CYP2C18: variants seen among roughly 807,000 people sequenced by gnomAD.
The protein encoded by CYP2C18 is cytochrome P450 2C18.
Under a neutral mutation model 41.3 loss-of-function variants are expected in CYP2C18, and 38 were observed. The ratio of observed to expected loss-of-function variants is 0.92; its 90% CI spans 0.71 to 1.21. CYP2C18 has a LOEUF of 1.21. Among genes scored for constraint, CYP2C18 ranks in the 50% most tolerant of loss-of-function variants. CYP2C18 has a pLI of 0.00. For missense variants in CYP2C18, 635 were observed against 591.4 expected, an observed-to-expected ratio of 1.07 and a Z score of -0.77; for synonymous variants, 236 against 210.0, an observed-to-expected ratio of 1.12 and a Z score of -1.07.
chr10:94,717,528 G>T (rs1442886290), intron 5 of CYP2C18, among the ~76,000 whole-genome samples: 2 of 152,098 alleles, frequency 1.3e-5, no homozygotes, highest in African/African-American at 2.4e-5. Context: ...CTTCTGGCTT[G>T]TATTGCCCAG....
At chr10:94,697,860 A>T (rs2134183115) in intron 4 of CYP2C18, among the ~76,000 whole-genome samples, 1 of 152,324 alleles carries the variant, frequency 6.6e-6, no homozygotes, top group Non-Finnish European at 1.5e-5. Flanking sequence ...ACTTTAAACC[A>T]ACAAAGATCA....
intron 3 of CYP2C18, among the ~76,000 whole-genome samples, chr10:94,690,280 G>C (rs1055051215): frequency 2.0e-5 from 3 of 152,080 alleles, no homozygotes; most frequent in Admixed American, 6.6e-5. Flanking sequence ...TAATGAGTCT[G>C]GTTTTCAGCT....
intron 1 of CYP2C18, among the ~76,000 whole-genome samples, chr10:94,684,777 T>A (rs1458923547): frequency 6.6e-6 from 1 of 152,116 alleles, no homozygotes; most frequent in East Asian, 1.9e-4. Context: ...ACATCCATAC[T>A]GTTTTCTCAA....
At chr10:94,723,964 A>C (rs1245765632) in intron 6 of CYP2C18, among the ~76,000 whole-genome samples, 1 of 152,152 alleles carries the variant, frequency 6.6e-6, no homozygotes, top group Non-Finnish European at 1.5e-5. Context: ...TAGATCTGTT[A>C]GTAGAATTAA....
intron 3 of CYP2C18, among the ~76,000 whole-genome samples, chr10:94,694,410 C>A (rs969125551): frequency 6.6e-6 from 1 of 152,076 alleles, no homozygotes; most frequent in Non-Finnish European, 1.5e-5. Flanking sequence ...TTCCATCAAC[C>A]TGAATTTTCC....
At position 94,735,909 on chromosome 10, in the gene CYP2C18, G is replaced by A. The variant is rs2134214289; in HGVS notation, c.*465G>A. The A allele has an allele frequency of 6.4e-6, 1 of 155,636 alleles. No individual in the cohort carries two copies. The allele number at this position is 155,636 out of a possible 1,614,324, so 9.6% of individuals were successfully genotyped here. On this transcript the variant is annotated 3_prime_UTR_variant, in exon 9 of 9. Coordinates refer to ENST00000285979, the MANE Select transcript of CYP2C18 (RefSeq NM_000772.3). Reference sequence around the variant, plus strand: ...GCTGTGCTGGCCCTCATAGTGTTAAGCACAAAAAGGGAGAAAGGTAAGAGG... The same window carrying A: ...GCTGTGCTGGCCCTCATAGTGTTAAACACAAAAAGGGAGAAAGGTAAGAGG...
intron 6 of CYP2C18, among the ~76,000 whole-genome samples, chr10:94,722,624 T>C (rs553512943): frequency 3.3e-5 from 5 of 152,196 alleles, no homozygotes; most frequent in South Asian, 4.1e-4. Flanking sequence ...CCAAAGAACA[T>C]AGAGGGAGAA....
chr10:94,733,653 T>C, intron 8 of CYP2C18: 1 of 951,422 alleles, frequency 1.1e-6, no homozygotes, highest in Non-Finnish European at 1.3e-6. Flanking sequence ...TTTTTCAAAC[T>C]GAAAAAGCTA....
At chr10:94,712,799 C>T (rs1231260981) in intron 5 of CYP2C18, among the ~76,000 whole-genome samples, 1 of 152,184 alleles carries the variant, frequency 6.6e-6, no homozygotes, top group South Asian at 2.1e-4. Flanking sequence ...AACTTACATT[C>T]CCATCAACAG....
intron 3 of CYP2C18, among the ~76,000 whole-genome samples, chr10:94,693,487 G>T (rs1312114693): frequency 6.6e-6 from 1 of 152,102 alleles, no homozygotes; most frequent in Non-Finnish European, 1.5e-5. Flanking sequence ...AGCAATGCAA[G>T]AACAGCCTAA....
At chr10:94,691,496 A>G (rs986352522) in intron 3 of CYP2C18, among the ~76,000 whole-genome samples, 13 of 152,200 alleles carry the variant, frequency 8.5e-5, no homozygotes, top group African/African-American at 2.4e-4. Context: ...AAGGAGAACT[A>G]CAAACCACTG....
intron 3 of CYP2C18, among the ~76,000 whole-genome samples, chr10:94,688,554 C>T (rs778872424): frequency 3.3e-5 from 5 of 152,110 alleles, no homozygotes; most frequent in Non-Finnish European, 7.4e-5. Flanking sequence ...CCCTGGAAAC[C>T]TCCTAGGGGC....
chr10:94,728,653 T>C, intron 7 of CYP2C18: 1 of 944,614 alleles, frequency 1.1e-6, no homozygotes, highest in Non-Finnish European at 1.3e-6. Flanking sequence ...TTTAGTGTAC[T>C]TGTTGATATC....
At chr10:94,704,219 G>A (rs1847296214) in intron 4 of CYP2C18, among the ~76,000 whole-genome samples, 1 of 152,078 alleles carries the variant, frequency 6.6e-6, no homozygotes. Context: ...TATGTACCAA[G>A]CTGTGAAGTG....
At chr10:94,704,030 C>G (rs1215348528) in intron 4 of CYP2C18, among the ~76,000 whole-genome samples, 8 of 152,204 alleles carry the variant, frequency 5.3e-5, no homozygotes, top group Non-Finnish European at 1.2e-4. Context: ...ATTCCCTACC[C>G]TGCTTCTGTT....
intron 3 of CYP2C18, among the ~76,000 whole-genome samples, chr10:94,692,553 A>G (rs1021823384): frequency 2.2e-4 from 34 of 152,172 alleles, no homozygotes; most frequent in Non-Finnish European, 4.0e-4. Flanking sequence ...AGAAATAGGA[A>G]CACTTTTACA....
intron 4 of CYP2C18, among the ~76,000 whole-genome samples, chr10:94,703,043 G>T (rs1408039506): frequency 1.3e-5 from 2 of 152,176 alleles, no homozygotes; most frequent in African/African-American, 2.4e-5. Context: ...GACCCTGTTT[G>T]CCTGGGTATC....
Position 94,687,762 on chromosome 10 carries a change from A to G in CYP2C18, c.169-8A>G, listed in dbSNP as rs1846916476. ...TGCTACTATTTGAACCTCCTTTTCT[A>G]TGTTTAGTTCTCAAAAGTCTATGGC... On this transcript the variant is annotated splice_polypyrimidine_tract_variant and splice_region_variant and intron_variant, in intron 1 of 8. Coordinates refer to ENST00000285979, the MANE Select transcript of CYP2C18 (RefSeq NM_000772.3). 1.1e-5 allele frequency: 18 copies of G among 1,608,196 alleles called. No individual in the cohort carries two copies. Among genetic ancestry groups the G allele is most frequent in the Non-Finnish European group, 1.5e-5 (18 of 1,177,850 alleles).
rs186859571 is a variant in CYP2C18 at position 94,695,212 on chromosome 10, A to G, written c.642+135A>G. 9.6e-4 allele frequency: 725 copies of G among 751,466 alleles called. 3 individuals carry two copies. The African/African-American group carries it at 0.011, about 12-fold the overall frequency. 46.5% of individuals were successfully genotyped at this position (751,466 alleles called of 1,614,324 possible). ...GAATGGGCAGGTTTGTCACATGGGT[A>G]TACATGTGCCATGGTGGTTTGCTGC... On this transcript the variant is annotated intron_variant, in intron 4 of 8. Transcript: ENST00000285979.
Sources: allele counts gnomAD v4.1 joint callset (sites outside exome capture counted in the v4.1 genomes callset), GRCh38; gene constraint gnomAD v4.1.1; transcripts MANE v1.5; gene names NCBI Gene and HGNC (gene_info 2026-07-23, HGNC 2026-07-21).